The following CDH12 variants were observed in gnomAD, a reference collection of about 807,000 sequenced individuals.
CDH12 encodes the protein cadherin-12.
Under a neutral mutation model 74.1 loss-of-function variants are expected in CDH12, and 41 were observed. That is an observed-to-expected ratio of 0.55 (90% CI 0.43 to 0.72). The LOEUF is 0.72. Ranked by LOEUF, CDH12 falls within the 30% of genes least tolerant of loss-of-function variation. The probability of loss-of-function intolerance (pLI) is 0.00; values close to 1 mark genes in which losing one functional copy is unlikely to be tolerated. For synonymous variants in CDH12, 399 were observed against 355.0 expected, an observed-to-expected ratio of 1.12 and a Z score of -1.39; for missense variants, 945 against 977.2, an observed-to-expected ratio of 0.97 and a Z score of 0.44.
chr5:22,523,324 G>A (rs1156305241), intron 1 of CDH12, among the ~76,000 whole-genome samples: 1 of 151,728 alleles, frequency 6.6e-6, no homozygotes, highest in Non-Finnish European at 1.5e-5. Context: ...TGCACTCTAG[G>A]CTCCAGTTTC....
intron 4 of CDH12, among the ~76,000 whole-genome samples, chr5:22,161,567 A>G (rs1035719795): frequency 1.3e-5 from 2 of 152,070 alleles, no homozygotes; most frequent in African/African-American, 2.4e-5. Flanking sequence ...ATTGCCAGAC[A>G]TGGTTGCACG....
At chr5:22,001,493 T>G (rs1429643072) in intron 5 of CDH12, among the ~76,000 whole-genome samples, 1 of 152,104 alleles carries the variant, frequency 6.6e-6, no homozygotes, top group East Asian at 1.9e-4. Flanking sequence ...TTTTTTTAAT[T>G]ATTTTATTCT....
At chr5:22,645,803 A>G (rs1415587836) in intron 1 of CDH12, among the ~76,000 whole-genome samples, 2 of 151,908 alleles carry the variant, frequency 1.3e-5, no homozygotes, top group African/African-American at 4.8e-5. Context: ...TGAGTCAAGA[A>G]CCTCTACCAA....
At chr5:21,760,505 C>T (rs559400881) in intron 13 of CDH12, 53 bp downstream of exon 13, 3 of 849,004 alleles carry the variant, frequency 3.5e-6, no homozygotes, top group East Asian at 2.4e-5. Context: ...TCCCTTTGTG[C>T]CTTTTTACAA....
At chr5:22,496,259 A>G (rs1465820806) in intron 2 of CDH12, among the ~76,000 whole-genome samples, 1 of 152,312 alleles carries the variant, frequency 6.6e-6, no homozygotes, top group East Asian at 1.9e-4. Flanking sequence ...AAAAGGCCCA[A>G]AGGAGTCAAT....
intron 5 of CDH12, among the ~76,000 whole-genome samples, chr5:21,981,377 A>T (rs1757299247): frequency 6.6e-6 from 1 of 151,944 alleles, no homozygotes; most frequent in South Asian, 2.1e-4. Flanking sequence ...TATTTTTTAC[A>T]TACTGTTTAT....
intron 1 of CDH12, among the ~76,000 whole-genome samples, chr5:22,650,892 T>A (rs1165162025): frequency 6.6e-6 from 1 of 151,986 alleles, no homozygotes; most frequent in Non-Finnish European, 1.5e-5. Context: ...CTTTACACTG[T>A]GTGGTGGGAG....
At chr5:22,127,096 A>T (rs1253852683) in intron 4 of CDH12, among the ~76,000 whole-genome samples, 1 of 152,158 alleles carries the variant, frequency 6.6e-6, no homozygotes, top group African/African-American at 2.4e-5. Flanking sequence ...ATGCCGCAGA[A>T]ATCATTTTAA....
At chr5:22,761,557 C>A (rs1561012588) in intron 1 of CDH12, among the ~76,000 whole-genome samples, 1 of 152,092 alleles carries the variant, frequency 6.6e-6, no homozygotes, top group Non-Finnish European at 1.5e-5. Flanking sequence ...TATGCCAAAT[C>A]TCCTATGAAG....
At chr5:22,525,932 G>A (rs1737252864) in intron 1 of CDH12, among the ~76,000 whole-genome samples, 1 of 152,134 alleles carries the variant, frequency 6.6e-6, no homozygotes, top group Non-Finnish European at 1.5e-5. Flanking sequence ...AAGTATATTA[G>A]TAGACAGAAA....
At chr5:22,142,381 A>G (rs1746858425) in intron 4 of CDH12, 2 of 491,978 alleles carry the variant, frequency 4.1e-6, no homozygotes, top group South Asian at 3.4e-5. Context: ...TTATGCTGTC[A>G]CAAAAACCAA....
intron 10 of CDH12, among the ~76,000 whole-genome samples, chr5:21,800,628 C>T (rs1368679344): frequency 2.0e-5 from 3 of 152,150 alleles, no homozygotes; most frequent in Non-Finnish European, 4.4e-5. Flanking sequence ...ACTGTCTAGC[C>T]TCCAGAACTG....
At chr5:22,192,077 A>G (rs569787055) in intron 4 of CDH12, among the ~76,000 whole-genome samples, 1 of 152,160 alleles carries the variant, frequency 6.6e-6, no homozygotes, top group South Asian at 2.1e-4. Context: ...CTAGGATTAT[A>G]GGAGGGCCAC....
At chr5:22,022,681 A>G (rs1738066406) in intron 5 of CDH12, among the ~76,000 whole-genome samples, 1 of 152,136 alleles carries the variant, frequency 6.6e-6, no homozygotes, top group African/African-American at 2.4e-5. Flanking sequence ...AGACATTTAA[A>G]TATTAAAGCC....
At chr5:22,104,548 G>A (rs1179350038) in intron 4 of CDH12, among the ~76,000 whole-genome samples, 1 of 152,142 alleles carries the variant, frequency 6.6e-6, no homozygotes, top group Non-Finnish European at 1.5e-5. Flanking sequence ...GAAGGAAAGT[G>A]TATCTTTTCT....
At chr5:22,562,397 A>T (rs984765490) in intron 1 of CDH12, among the ~76,000 whole-genome samples, 2 of 152,032 alleles carry the variant, frequency 1.3e-5, no homozygotes, top group African/African-American at 2.4e-5. Flanking sequence ...CTAGGAATTT[A>T]AAAAAATACA....
intron 1 of CDH12, among the ~76,000 whole-genome samples, chr5:22,733,693 CA>C (rs1445185392): frequency 6.6e-6 from 1 of 151,834 alleles, no homozygotes; most frequent in Admixed American, 6.6e-5. Context: ...GGCAAAAGCA[CA>C]AATGAAATAA....
chr5:22,523,035 AG>A (rs1737121179), intron 1 of CDH12, among the ~76,000 whole-genome samples: 1 of 152,142 alleles, frequency 6.6e-6, no homozygotes, highest in Non-Finnish European at 1.5e-5. Context: ...TGACTTCTTA[AG>A]GGTTTCCTGC....
intron 12 of CDH12, among the ~76,000 whole-genome samples, chr5:21,764,547 G>T (rs1472783492): frequency 4.0e-5 from 6 of 151,020 alleles, no homozygotes; most frequent in East Asian, 2.0e-4. Context: ...TACTTGGGAG[G>T]CTGAGACAGG....
Sources: allele counts gnomAD v4.1 joint callset (sites outside exome capture counted in the v4.1 genomes callset), GRCh38; gene constraint gnomAD v4.1.1; transcripts MANE v1.5; gene names NCBI Gene and HGNC (gene_info 2026-07-23, HGNC 2026-07-21).